Variants in SEMA5A observed in about 807,000 individuals in gnomAD.
The protein encoded by SEMA5A is semaphorin-5A.
Under a neutral mutation model 135.5 loss-of-function variants are expected in SEMA5A, and 55 were observed. The observed-to-expected ratio is 0.41, with a 90% CI of 0.33 to 0.51. SEMA5A has a LOEUF of 0.51. Ranked by LOEUF, SEMA5A falls within the 20% of genes least tolerant of loss-of-function variation. The pLI, the probability that SEMA5A is intolerant of heterozygous loss-of-function variation, is 0.37. For missense variants in SEMA5A, 1,290 were observed against 1,419.9 expected, an observed-to-expected ratio of 0.91 and a Z score of 1.47; for synonymous variants, 580 against 546.5, an observed-to-expected ratio of 1.06 and a Z score of -0.85.
At chr5:9,402,476 T>C (rs1473591544) in intron 2 of SEMA5A, among the ~76,000 whole-genome samples, 1 of 150,654 alleles carries the variant, frequency 6.6e-6, no homozygotes, top group East Asian at 2.0e-4. Context: ...AATTCTCTTT[T>C]TTCTTCTTCT....
intron 13 of SEMA5A, among the ~76,000 whole-genome samples, chr5:9,128,679 T>C (rs1240418803): frequency 6.6e-6 from 1 of 152,226 alleles, no homozygotes; most frequent in African/African-American, 2.4e-5. Flanking sequence ...AATTTCTTTA[T>C]GCTATTTTTA....
intron 2 of SEMA5A, among the ~76,000 whole-genome samples, chr5:9,403,626 GC>G (rs1187723051): frequency 1.3e-5 from 2 of 152,088 alleles, no homozygotes; most frequent in Non-Finnish European, 2.9e-5. Flanking sequence ...ACACATACCT[GC>G]TGCCACATTA....
At chr5:9,336,798 T>A (rs916179186) in intron 4 of SEMA5A, among the ~76,000 whole-genome samples, 1 of 152,180 alleles carries the variant, frequency 6.6e-6, no homozygotes, top group African/African-American at 2.4e-5. Flanking sequence ...CACTCGTGTT[T>A]ATAGAGAGAC....
chr5:9,116,078 T>G (rs1289605670), intron 15 of SEMA5A, among the ~76,000 whole-genome samples: 1 of 152,090 alleles, frequency 6.6e-6, no homozygotes, highest in Admixed American at 6.5e-5. Context: ...TACAAACAAC[T>G]ACCACATGAT....
chr5:9,186,777 T>C (rs937470827), intron 11 of SEMA5A, among the ~76,000 whole-genome samples: 1 of 152,242 alleles, frequency 6.6e-6, no homozygotes, highest in African/African-American at 2.4e-5. Context: ...ATCACAGTAA[T>C]TGAGAAATCC....
At position 9,379,974 on chromosome 5, in the gene SEMA5A, C is replaced by T; in HGVS notation, c.-28G>A. The T allele has an allele frequency of 6.3e-7, 1 of 1,593,302 alleles. No individual in the cohort carries two copies. The highest frequency in any genetic ancestry group is 8.6e-7 in the Non-Finnish European group (1 of 1,168,796). ...TGGGCAAGGGGCCTCTGACTCTGGG[C>T]ACGTGTCTTCTAAACAGAAGCTCTT... is the stretch of plus-strand genomic sequence containing the variant. On this transcript the variant is annotated 5_prime_UTR_variant, in exon 3 of 23. Coordinates refer to ENST00000382496, the MANE Select transcript of SEMA5A (RefSeq NM_003966.3).
intron 16 of SEMA5A, among the ~76,000 whole-genome samples, chr5:9,099,276 T>C (rs954099494): frequency 2.0e-5 from 3 of 152,184 alleles, no homozygotes; most frequent in African/African-American, 7.2e-5. Flanking sequence ...TGATATTAAC[T>C]TTCTCAAAAA....
chr5:9,109,689 T>C (rs578002345), intron 15 of SEMA5A, among the ~76,000 whole-genome samples: 51 of 152,326 alleles, frequency 3.3e-4, no homozygotes, highest in Admixed American at 7.2e-4. Flanking sequence ...GGCTTAATCC[T>C]GCAGGGCCTA....
chr5:9,320,868 G>A lies in SEMA5A; in HGVS notation c.225-2451C>T, dbSNP rs150853150. 3.3e-3 allele frequency among the ~76,000 whole-genome samples: 496 copies of A among 151,368 alleles called. 1 individual carries two copies. Among genetic ancestry groups the A allele is most frequent in the African/African-American group, 0.011 (473 of 41,138 alleles). ...TTCACCCAGTGTGACCTTGAAACCA[G>A]CACACCTCCTCTAAGGGAAGCAAGA... is the stretch of plus-strand genomic sequence containing the variant. On this transcript the variant is annotated intron_variant, in intron 4 of 22. Transcript: ENST00000382496.
intron 16 of SEMA5A, among the ~76,000 whole-genome samples, chr5:9,070,666 C>T (rs1030851822): frequency 1.4e-4 from 21 of 152,176 alleles, no homozygotes; most frequent in African/African-American, 4.6e-4. Context: ...GCACAGCTCA[C>T]GGCTAAGAAA....
chr5:9,367,548 A>T (rs566409902), intron 3 of SEMA5A, among the ~76,000 whole-genome samples: 1 of 152,370 alleles, frequency 6.6e-6, no homozygotes, highest in Middle Eastern at 3.4e-3. Flanking sequence ...AACAATTCTC[A>T]AATGTGATGG....
intron 3 of SEMA5A, among the ~76,000 whole-genome samples, chr5:9,355,761 AAGG>A (rs1409885864): frequency 1.3e-5 from 2 of 152,166 alleles, no homozygotes; most frequent in South Asian, 2.1e-4. Flanking sequence ...GGAACGACAG[AAGG>A]AGAAGAAAAT....
intron 22 of SEMA5A, 147 bp from the exon 23 acceptor site, chr5:9,043,163 C>T: frequency 1.3e-6 from 1 of 759,534 alleles, no homozygotes; most frequent in Non-Finnish European, 2.0e-6. Flanking sequence ...TTTGCTTCCC[C>T]AGATTATTTG....
intron 1 of SEMA5A, among the ~76,000 whole-genome samples, chr5:9,483,252 G>A (rs1759944333): frequency 6.6e-6 from 1 of 151,856 alleles, no homozygotes. Context: ...ATCTTTCCAA[G>A]TATCTCTATA....
chr5:9,147,728 AAAAAAAAAAAAAAACCCACCT>A (rs1020406285), intron 12 of SEMA5A, among the ~76,000 whole-genome samples: 1 of 150,940 alleles, frequency 6.6e-6, no homozygotes, highest in Non-Finnish European at 1.5e-5. Flanking sequence ...ACAAACCAAA[AAAAAAAAAAAAAAACCCACCT>A]AAGGCCCAAA....
At chr5:9,193,304 C>T (rs1467408967) in intron 10 of SEMA5A, among the ~76,000 whole-genome samples, 4 of 152,118 alleles carry the variant, frequency 2.6e-5, no homozygotes, top group South Asian at 2.1e-4. Context: ...CCTGGGTTCA[C>T]CATGCAAGAA....
intron 11 of SEMA5A, among the ~76,000 whole-genome samples, chr5:9,170,944 G>C (rs376416914): frequency 6.6e-6 from 1 of 151,910 alleles, no homozygotes; most frequent in African/African-American, 2.4e-5. Flanking sequence ...CTCCTTCCTC[G>C]CCCCCAGACC....
chr5:9,404,761 C>G (rs370596758), intron 2 of SEMA5A, among the ~76,000 whole-genome samples: 84 of 152,308 alleles, frequency 5.5e-4, no homozygotes, highest in African/African-American at 1.9e-3. Context: ...ATTGAGATCA[C>G]AGAAAGAATG....
chr5:9,079,751 C>A (rs901693517), intron 16 of SEMA5A, among the ~76,000 whole-genome samples: 2 of 152,140 alleles, frequency 1.3e-5, no homozygotes, highest in African/African-American at 4.8e-5. Flanking sequence ...TGAACAGATA[C>A]TTCTCAAAAG....
Sources: gnomAD v4.1 joint callset for allele counts (sites outside exome capture counted in the v4.1 genomes callset) on GRCh38, gnomAD v4.1.1 for gene constraint, MANE v1.5 for transcripts, NCBI Gene and HGNC (gene_info 2026-07-23, HGNC 2026-07-21) for gene names.